RYR3: variants seen among roughly 807,000 people sequenced by gnomAD.
The protein encoded by RYR3 is ryanodine receptor 3.
RYR3 carries 207 observed loss-of-function variants against 584.3 expected under a neutral mutation model. The observed-to-expected ratio is 0.35, with a 90% CI of 0.32 to 0.40. The LOEUF (loss-of-function observed/expected upper bound fraction) is 0.40, where lower values mean the gene tolerates loss of function less well. Ranked by LOEUF, RYR3 falls within the 10% of genes least tolerant of loss-of-function variation. RYR3 has a pLI of 1.00. For missense variants in RYR3, 5,616 were observed against 6,089.2 expected, an observed-to-expected ratio of 0.92 and a Z score of 2.59; for synonymous variants, 2,416 against 2,248.5, an observed-to-expected ratio of 1.07 and a Z score of -2.11.
chr15:33,460,797 A>T (rs972029242), intron 1 of RYR3, among the ~76,000 whole-genome samples: 6 of 152,092 alleles, frequency 3.9e-5, no homozygotes, highest in Non-Finnish European at 8.8e-5. Context: ...TACTCAAACC[A>T]GTGCCTGCAG....
chr15:33,456,762 G>A (rs572607590), intron 1 of RYR3, among the ~76,000 whole-genome samples: 16 of 152,290 alleles, frequency 1.1e-4, no homozygotes, highest in African/African-American at 3.8e-4. Flanking sequence ...CTCTTGCTGT[G>A]TTGTTTCAGT....
chr15:33,763,564 G>A (rs1473187917), intron 60 of RYR3, among the ~76,000 whole-genome samples: 1 of 152,150 alleles, frequency 6.6e-6, no homozygotes, highest in Non-Finnish European at 1.5e-5. Context: ...GCCACAATGA[G>A]ATACCATCTC....
In RYR3 at chr15:33,810,628, C is replaced by T. The variant is rs547964578; in HGVS notation, c.10176C>T (p.Leu3392=). 1.9e-5 allele frequency: 31 copies of T among 1,614,024 alleles called. No homozygotes were observed. The highest frequency in any genetic ancestry group is 1.6e-4 in the Middle Eastern group (1 of 6,062). ...CAGGCGACCAGGAGCTGATCTCCCT[C>T]GCAAAATCGCGATACAGCCATGTAA... is the stretch of plus-strand genomic sequence containing the variant. ...CTPGDQELIS[L]AKSRYSHRDT... Residue 3392 remains leucine, a synonymous_variant, in exon 71 of 104, where the codon CTC becomes CTT. Transcript: ENST00000634891.
intron 74 of RYR3, among the ~76,000 whole-genome samples, chr15:33,816,351 G>A (rs775737600): frequency 1.2e-4 from 19 of 152,180 alleles, no homozygotes; most frequent in African/African-American, 2.9e-4. Context: ...AAACCTTGTC[G>A]TGCTAAGTAA....
chr15:33,683,622 C>T (rs1032009256), intron 38 of RYR3, among the ~76,000 whole-genome samples: 1 of 152,198 alleles, frequency 6.6e-6, no homozygotes, highest in Admixed American at 6.5e-5. Context: ...GTTCATCTCA[C>T]TGGGACTGGT....
intron 1 of RYR3, among the ~76,000 whole-genome samples, chr15:33,376,756 T>C (rs2040778736): frequency 6.6e-6 from 1 of 152,232 alleles, no homozygotes; most frequent in South Asian, 2.1e-4. Flanking sequence ...GGTCCGAACT[T>C]TCACATCCAT....
At chr15:33,789,248 C>T (rs1433630747) in intron 67 of RYR3, among the ~76,000 whole-genome samples, 1 of 152,088 alleles carries the variant, frequency 6.6e-6, no homozygotes, top group Non-Finnish European at 1.5e-5. Context: ...ACTGTGAGGA[C>T]TCTGACTTTT....
chr15:33,743,047 C>T (rs548121678), intron 52 of RYR3, among the ~76,000 whole-genome samples: 12 of 152,292 alleles, frequency 7.9e-5, no homozygotes, highest in Admixed American at 7.8e-4. Context: ...GAAGACTGTG[C>T]CAAGGATATC....
intron 1 of RYR3, among the ~76,000 whole-genome samples, chr15:33,431,816 C>CA (rs1332568589): frequency 2.0e-5 from 3 of 151,878 alleles, no homozygotes; most frequent in Non-Finnish European, 4.4e-5. Flanking sequence ...TTTGAAATGC[C>CA]AAAAAAGTAT....
At chr15:33,833,154 G>A (rs1266262425) in intron 86 of RYR3, among the ~76,000 whole-genome samples, 3 of 152,074 alleles carry the variant, frequency 2.0e-5, no homozygotes, top group Admixed American at 6.6e-5. Context: ...AAATAATGTC[G>A]GCAATTATAT....
At chr15:33,348,408 C>T (rs977143168) in intron 1 of RYR3, among the ~76,000 whole-genome samples, 1 of 152,198 alleles carries the variant, frequency 6.6e-6, no homozygotes, top group Non-Finnish European at 1.5e-5. Context: ...CATGGTAATA[C>T]AGTTAGATTC....
intron 67 of RYR3, among the ~76,000 whole-genome samples, chr15:33,799,329 C>A (rs2075789498): frequency 6.6e-6 from 1 of 152,172 alleles, no homozygotes; most frequent in African/African-American, 2.4e-5. Context: ...CTTTCAGCCC[C>A]ACCACCATTT....
chr15:33,396,526 C>CT (rs1204119861), intron 1 of RYR3, among the ~76,000 whole-genome samples: 1 of 152,190 alleles, frequency 6.6e-6, no homozygotes, highest in African/African-American at 2.4e-5. Flanking sequence ...GATGAGAGAT[C>CT]TCAAGCCCCG....
rs2063739506 is a variant in RYR3, at chr15:33,669,890, T to TGTGTGG, written c.5722+439_5722+440insGGTGTG. Among the ~76,000 whole-genome samples the TGTGTGG allele has an allele frequency of 2.3e-5, 3 of 132,632 alleles. No individual in the cohort carries two copies. The South Asian group carries it at 7.4e-4, about 33-fold the overall frequency. The allele number at this position is 132,632 out of a possible 152,430, so 87.0% of individuals were successfully genotyped here. On this transcript the variant is annotated intron_variant, in intron 37 of 103. Transcript: ENST00000634891. ...TGTGTGGGTGTGTGTGGTGTGTGTG[T>TGTGTGG]GTGTGTGTGTGTGTTTAGTAACTTC...
At chr15:33,472,179 C>T (rs974643296) in intron 1 of RYR3, among the ~76,000 whole-genome samples, 1 of 152,170 alleles carries the variant, frequency 6.6e-6, no homozygotes, top group African/African-American at 2.4e-5. Context: ...TTCCACTCTT[C>T]GTTTCATACA....
intron 32 of RYR3, among the ~76,000 whole-genome samples, chr15:33,657,629 T>C (rs957245821): frequency 3.3e-5 from 5 of 152,240 alleles, no homozygotes; most frequent in African/African-American, 1.2e-4. Context: ...ACAAAGCAAG[T>C]ATATAATAGG....
Position 33,543,651 on chromosome 15 carries a change from C to G in RYR3, c.676C>G (p.Leu226Val). ...CCTACTTGGTGGGCATGTAGTACGT[C>G]TTTTCCATGGTCATGATGAATGTTT... is the stretch of plus-strand genomic sequence containing the variant. ...GYLLGGHVVR[L>V]FHGHDECLTI... The change falls in exon 8 of 104, where the codon CTT (leucine) becomes GTT (valine). Residue 226 changes from leucine to valine, a missense_variant. Coordinates refer to ENST00000634891, the MANE Select transcript of RYR3 (RefSeq NM_001036.6). The G allele has an allele frequency of 1.2e-6, 2 of 1,612,346 alleles. No individual in the cohort carries two copies. Among genetic ancestry groups the G allele is most frequent in the Non-Finnish European group, 1.7e-6 (2 of 1,178,496 alleles).
At chr15:33,317,808 A>G (rs557075438) in intron 1 of RYR3, among the ~76,000 whole-genome samples, 2 of 152,214 alleles carry the variant, frequency 1.3e-5, no homozygotes, top group African/African-American at 4.8e-5. Flanking sequence ...TGCTGACTCT[A>G]CAGTCATACT....
intron 28 of RYR3, among the ~76,000 whole-genome samples, chr15:33,645,755 A>G (rs528351148): frequency 6.6e-6 from 1 of 152,082 alleles, no homozygotes; most frequent in South Asian, 2.1e-4. Context: ...TCAATTTCTG[A>G]CCTTTTCTCC....
Sources: allele counts gnomAD v4.1 joint callset (sites outside exome capture counted in the v4.1 genomes callset), GRCh38; gene constraint gnomAD v4.1.1; transcripts MANE v1.5; gene names NCBI Gene and HGNC (gene_info 2026-07-23, HGNC 2026-07-21).